ETV6: variants seen among roughly 807,000 people sequenced by gnomAD.
The protein encoded by ETV6 is transcription factor ETV6.
Under a neutral mutation model 51.1 loss-of-function variants are expected in ETV6, and 16 were observed. The observed-to-expected ratio is 0.31, with a 90% CI of 0.21 to 0.48. The LOEUF is 0.48. ETV6 is among the 20% of genes least tolerant of loss of function. ETV6 has a pLI of 0.99. For synonymous variants in ETV6, 240 were observed against 224.1 expected (o/e 1.07, Z -0.64); for missense variants, 458 against 594.8 (o/e 0.77, Z 2.39).
chr12:11,830,691 T>C (rs898999391), intron 2 of ETV6, among the ~76,000 whole-genome samples: 3 of 152,212 alleles, frequency 2.0e-5, no homozygotes, highest in African/African-American at 4.8e-5. Flanking sequence ...GCATTAAACC[T>C]GGGGACTGTT....
rs371519413 is a variant in ETV6 at position 11,650,580 on chromosome 12, G to A, written c.33+420G>A. Among the ~76,000 whole-genome samples the A allele has an allele frequency of 1.2e-4, 18 of 148,796 alleles. No homozygotes were observed. The South Asian group carries it at 3.6e-3, about 30-fold the overall frequency. ...TAACTTTTGTTCCCGAGGGGTGGTC[G>A]TCTTAGAAAAAAAGTTGTTCAGTTT... On this transcript the variant is annotated intron_variant, in intron 1 of 7. Transcript: ENST00000396373.
intron 1 of ETV6, among the ~76,000 whole-genome samples, chr12:11,737,121 A>T (rs1425554483): frequency 6.6e-6 from 1 of 152,206 alleles, no homozygotes; most frequent in Non-Finnish European, 1.5e-5. Flanking sequence ...ATCAAAGTCC[A>T]AGCTCCAGTG....
intron 1 of ETV6, among the ~76,000 whole-genome samples, chr12:11,728,778 AAG>A (rs1446985625): frequency 6.6e-6 from 1 of 152,234 alleles, no homozygotes; most frequent in Non-Finnish European, 1.5e-5. Flanking sequence ...TCTATAATTA[AAG>A]GAAACCATTT....
At chr12:11,824,516 C>T (rs1387207081) in intron 2 of ETV6, among the ~76,000 whole-genome samples, 2 of 152,166 alleles carry the variant, frequency 1.3e-5, no homozygotes, top group African/African-American at 2.4e-5. Context: ...TGGTGGCTCA[C>T]GCCTATAATC....
At chr12:11,696,379 G>A (rs556160435) in intron 1 of ETV6, among the ~76,000 whole-genome samples, 1 of 152,326 alleles carries the variant, frequency 6.6e-6, no homozygotes, top group South Asian at 2.1e-4. Context: ...CTTCGGGCAA[G>A]TTACTTAACC....
chr12:11,680,307 T>C (rs1187126724), intron 1 of ETV6, among the ~76,000 whole-genome samples: 1 of 152,228 alleles, frequency 6.6e-6, no homozygotes, highest in Non-Finnish European at 1.5e-5. Context: ...TAGAACCAAA[T>C]TGCAAAGTGT....
At chr12:11,797,927 T>C (rs557558884) in intron 2 of ETV6, among the ~76,000 whole-genome samples, 1 of 152,232 alleles carries the variant, frequency 6.6e-6, no homozygotes, top group Non-Finnish European at 1.5e-5. Context: ...AGAATGCTTA[T>C]AATATAAGAT....
At chr12:11,867,460 G>A (rs1342057409) in intron 4 of ETV6, among the ~76,000 whole-genome samples, 3 of 152,164 alleles carry the variant, frequency 2.0e-5, no homozygotes, top group Non-Finnish European at 4.4e-5. Flanking sequence ...ATTTATGGCA[G>A]TGGGTTATAC....
chr12:11,836,241 G>A (rs1946313615), intron 2 of ETV6, among the ~76,000 whole-genome samples: 1 of 152,172 alleles, frequency 6.6e-6, no homozygotes, highest in Admixed American at 6.5e-5. Context: ...GGAAATAACA[G>A]TGGGACTTGA....
intron 2 of ETV6, among the ~76,000 whole-genome samples, chr12:11,799,476 T>TC (rs1257683225): frequency 2.0e-5 from 3 of 152,168 alleles, no homozygotes; most frequent in Non-Finnish European, 4.4e-5. Flanking sequence ...GTGGTCTTTC[T>TC]CCATCCCAAC....
intron 5 of ETV6, among the ~76,000 whole-genome samples, chr12:11,883,864 A>G (rs1317609567): frequency 1.3e-5 from 2 of 152,188 alleles, no homozygotes; most frequent in Admixed American, 1.3e-4. Flanking sequence ...CACAGTTCCC[A>G]CAGTCAGAGT....
In ETV6 at chr12:11,894,949, C is replaced by T. The variant is rs557723133; in HGVS notation, c.*3903C>T. On this transcript the variant is annotated 3_prime_UTR_variant, in exon 8 of 8. Transcript: ENST00000396373. ...TTTGGTGCTAGTTAGAGGCTGTTCA[C>T]TCTCTCCTGCTCCTCTTCGGAGTAG... 3.9e-5 allele frequency: 9 copies of T among 233,574 alleles called. No homozygotes were observed. Among genetic ancestry groups the T allele is most frequent in the Non-Finnish European group, 7.6e-5 (9 of 118,032 alleles). 14.5% of individuals were successfully genotyped at this position (233,574 alleles called of 1,614,324 possible).
At chr12:11,884,015 T>G (rs972006544) in intron 5 of ETV6, among the ~76,000 whole-genome samples, 1 of 152,198 alleles carries the variant, frequency 6.6e-6, no homozygotes, top group Admixed American at 6.5e-5. Flanking sequence ...TCCACTATTT[T>G]TTACCACACA....
intron 1 of ETV6, among the ~76,000 whole-genome samples, chr12:11,669,334 C>A (rs1007167353): frequency 7.3e-5 from 11 of 150,796 alleles, no homozygotes; most frequent in African/African-American, 2.4e-4. Context: ...TCCCTCCCTC[C>A]CTCCTTTCCT....
At chr12:11,799,903 A>G (rs1361316575) in intron 2 of ETV6, among the ~76,000 whole-genome samples, 1 of 152,208 alleles carries the variant, frequency 6.6e-6, no homozygotes, top group Non-Finnish European at 1.5e-5. Context: ...TCCCTGGGAC[A>G]GACAGGCATA....
At chr12:11,747,583 T>G (rs1865931042) in intron 1 of ETV6, among the ~76,000 whole-genome samples, 1 of 152,342 alleles carries the variant, frequency 6.6e-6, no homozygotes, top group South Asian at 2.1e-4. Context: ...CAATGTCTAT[T>G]TAGAAAAGAA....
intron 2 of ETV6, among the ~76,000 whole-genome samples, chr12:11,812,255 G>A (rs1000989134): frequency 1.3e-5 from 2 of 152,128 alleles, no homozygotes; most frequent in Admixed American, 1.3e-4. Context: ...CCAGAAAACT[G>A]GTGAAGATCA....
At chr12:11,730,188 A>G (rs897502044) in intron 1 of ETV6, among the ~76,000 whole-genome samples, 2 of 152,232 alleles carry the variant, frequency 1.3e-5, no homozygotes, top group Non-Finnish European at 2.9e-5. Context: ...CTTAAAAAAC[A>G]TGCCTCACCA....
At chr12:11,772,677 C>A (rs886719085) in intron 2 of ETV6, among the ~76,000 whole-genome samples, 1 of 152,194 alleles carries the variant, frequency 6.6e-6, no homozygotes. Context: ...TCTTCCACCA[C>A]CAAGTCAGAG....
Sources: allele counts gnomAD v4.1 joint callset (sites outside exome capture counted in the v4.1 genomes callset), GRCh38; gene constraint gnomAD v4.1.1; transcripts MANE v1.5; gene names NCBI Gene and HGNC (gene_info 2026-07-23, HGNC 2026-07-21).